Variants in HEY2 observed in about 807,000 individuals in gnomAD.
HEY2 encodes hairy/enhancer-of-split related with YRPW motif protein 2.
Under a neutral mutation model 18.1 loss-of-function variants are expected in HEY2, and 10 were observed. The ratio of observed to expected loss-of-function variants is 0.55; its 90% CI spans 0.34 to 0.94. The LOEUF is 0.94. Ranked by LOEUF, HEY2 falls within the 40% of genes least tolerant of loss-of-function variation. HEY2 has a pLI of 0.02. For missense variants in HEY2, 455 were observed against 455.9 expected, an observed-to-expected ratio of 1.00 and a Z score of 0.02; for synonymous variants, 210 against 182.7, an observed-to-expected ratio of 1.15 and a Z score of -1.21.
Position 125,759,773 on chromosome 6 carries a change from C to T in HEY2, c.985C>T (p.Pro329Ser), listed in dbSNP as rs927427669. 1.2e-6 allele frequency: 2 copies of T among 1,613,988 alleles called. No individual in the cohort carries two copies. The highest frequency in any genetic ancestry group is 1.3e-5 in the African/African-American group (1 of 75,034). Reference protein sequence around the residue: ...SSGTNNKPYRPWGTEVGAF With the variant: ...SSGTNNKPYRSWGTEVGAF Reference sequence around the variant, plus strand: ...TGGAACAAACAATAAACCTTACCGACCCTGGGGGACAGAAGTTGGAGCTTT... The same window carrying T: ...TGGAACAAACAATAAACCTTACCGATCCTGGGGGACAGAAGTTGGAGCTTT... Residue 329 changes from proline (P) to serine (S), a missense_variant, in exon 5 of 5, where the codon CCC becomes TCC. Coordinates refer to ENST00000368364, the MANE Select transcript of HEY2 (RefSeq NM_012259.3).
At chr6:125,753,014 G>A (rs1296273552) in intron 3 of HEY2, among the ~76,000 whole-genome samples, 1 of 152,160 alleles carries the variant, frequency 6.6e-6, no homozygotes, top group Non-Finnish European at 1.5e-5. Context: ...TGACTTTACT[G>A]AATCTGCTTG....
chr6:125,759,729 G>C lies in HEY2; in HGVS notation c.941G>C (p.Ser314Thr). The stretch of plus-strand genomic sequence containing the variant: ...CCCTTGTCAGTATCAGCCACGTCCA[G>C]TCCTCAGCAGACCAGCAGTGGAACA... ...SPPLSVSATS[S>T]PQQTSSGTNN... Residue 314 changes from serine to threonine, a missense_variant, in exon 5 of 5, where the codon AGT becomes ACT. By Grantham distance (58) the Ser-to-Thr change is moderately conservative. Coordinates refer to ENST00000368364, the MANE Select transcript of HEY2 (RefSeq NM_012259.3). The C allele has an allele frequency of 6.2e-7, 1 of 1,613,682 alleles. No homozygotes were observed. The highest frequency in any genetic ancestry group is 1.3e-5 in the African/African-American group (1 of 75,048).
At chr6:125,756,634 A>G (rs558983626) in intron 4 of HEY2, among the ~76,000 whole-genome samples, 2 of 152,328 alleles carry the variant, frequency 1.3e-5, no homozygotes, top group African/African-American at 2.4e-5. Context: ...AAGAATACCA[A>G]CTGCCTCATA....
rs374259810 is a variant in HEY2, at chr6:125,760,331, C to T, written c.*529C>T. 220 of 154,342 alleles carry T rather than the reference C, an allele frequency of 1.4e-3. 1 individual carries two copies. The South Asian group carries it at 0.016, about 11-fold the overall frequency. The allele number at this position is 154,342 out of a possible 1,614,324, so 9.6% of individuals were successfully genotyped here. On this transcript the variant is annotated 3_prime_UTR_variant, in exon 5 of 5. Transcript: ENST00000368364. ...AGGCTGCAGACATTTTAATACCATG[C>T]CAGAGAAGAGTATTCTGCTGAAACC...
intron 1 of HEY2, 99 bp from the exon 2 acceptor site, chr6:125,751,702 C>T (rs558599230): frequency 3.9e-6 from 3 of 771,906 alleles, no homozygotes; most frequent in African/African-American, 3.5e-5. Context: ...CAGACTTGAA[C>T]TGTGCAATCA....
At position 125,761,191 on chromosome 6, in the gene HEY2, C is replaced by CT. The variant is rs978881520; in HGVS notation, c.*1395dup. On this transcript the variant is annotated 3_prime_UTR_variant, in exon 5 of 5. Coordinates refer to ENST00000368364, the MANE Select transcript of HEY2 (RefSeq NM_012259.3). ...TTGTTTTGAAATTACTGTACCTAGT[C>CT]TTTTTTGCATTACTTTGTAACCTTT... 2.0e-4 allele frequency: 30 copies of CT among 152,580 alleles called. No individual in the cohort carries two copies. The highest frequency in any genetic ancestry group is 1.9e-3 in the Admixed American group (29 of 15,270). 9.5% of individuals were successfully genotyped at this position (152,580 alleles called of 1,614,324 possible).
Position 125,754,473 on chromosome 6 carries a change from A to G in HEY2, c.255A>G (p.Ala85=), listed in dbSNP as rs1348078477. 3 of 1,585,052 alleles carry G rather than the reference A, an allele frequency of 1.9e-6. No individual in the cohort carries two copies. The highest frequency in any genetic ancestry group is 3.4e-5 in the Admixed American group (2 of 58,566). Reference sequence around the variant, plus strand: ...TTTATTTATTTATGAAGGGATCTGCAAAGTTAGAAAAAGCTGAAATATTGC... The same window carrying G: ...TTTATTTATTTATGAAGGGATCTGCGAAGTTAGAAAAAGCTGAAATATTGC... ...VPTAFEKQGS[A]KLEKAEILQM... The change falls in exon 4 of 5, where the codon GCA becomes GCG. Residue 85 remains alanine, a synonymous_variant. Transcript: ENST00000368364.
At position 125,749,772 on chromosome 6, in the gene HEY2, C is replaced by G. The variant is rs1399567722; in HGVS notation, c.-5C>G. ...CGGGCTGTGCCCCGCGCGGTCTTCG[C>G]CGGGATGAAGCGCCCCTGCGAGGAG... is the stretch of plus-strand genomic sequence containing the variant. On this transcript the variant is annotated 5_prime_UTR_variant, in exon 1 of 5. Coordinates refer to ENST00000368364, the MANE Select transcript of HEY2 (RefSeq NM_012259.3). 36 of 1,567,112 alleles carry G rather than the reference C, an allele frequency of 2.3e-5. No homozygotes were observed. Among genetic ancestry groups the G allele is most frequent in the Non-Finnish European group, 3.0e-5 (35 of 1,157,092 alleles).
intron 1 of HEY2, 141 bp downstream of exon 1, chr6:125,750,000 T>A: frequency 1.3e-6 from 1 of 788,460 alleles, no homozygotes; most frequent in Non-Finnish European, 2.1e-6. Flanking sequence ...AAAGTTTGAG[T>A]GGTGGGCGCT....
intron 4 of HEY2, among the ~76,000 whole-genome samples, chr6:125,755,533 T>C (rs1773637819): frequency 6.6e-6 from 1 of 152,132 alleles, no homozygotes; most frequent in Admixed American, 6.5e-5. Flanking sequence ...GGGTCCTAGA[T>C]CAGGGCAGAG....
chr6:125,753,125 G>A (rs1200688119), intron 3 of HEY2, among the ~76,000 whole-genome samples: 1 of 152,226 alleles, frequency 6.6e-6, no homozygotes, highest in African/African-American at 2.4e-5. Context: ...TCTATATGCA[G>A]AGACTGTGTT....
intron 1 of HEY2, 58 bp from the exon 2 acceptor site, chr6:125,751,743 C>G: frequency 1.8e-6 from 2 of 1,134,580 alleles, no homozygotes; most frequent in Non-Finnish European, 2.6e-6. Flanking sequence ...CCACAAGTAC[C>G]CAGAAGAAAC....
rs551128913 is a variant in HEY2 at position 125,757,146 on chromosome 6, G to C, written c.329-1971G>C. Among the ~76,000 whole-genome samples, 473 of 152,278 alleles carry C rather than the reference G, an allele frequency of 3.1e-3. 3 individuals are homozygous for C. The highest frequency in any genetic ancestry group is 3.4e-3 in the Middle Eastern group (1 of 294). ...TGTCTTGGTATGACAATAGTATCTAGAGAGGATTTAGTAGAATAACCTAAG... is the reference window on the plus strand; with the variant it reads ...TGTCTTGGTATGACAATAGTATCTACAGAGGATTTAGTAGAATAACCTAAG... On this transcript the variant is annotated intron_variant, in intron 4 of 4. Transcript: ENST00000368364.
chr6:125,752,882 A>G (rs950959016), intron 3 of HEY2, among the ~76,000 whole-genome samples: 3 of 152,236 alleles, frequency 2.0e-5, no homozygotes, highest in Non-Finnish European at 2.9e-5. Context: ...TTTAATTCCA[A>G]TAAGACAACA....
chr6:125,756,601 G>T (rs1230634464), intron 4 of HEY2, among the ~76,000 whole-genome samples: 2 of 152,118 alleles, frequency 1.3e-5, no homozygotes, highest in African/African-American at 4.8e-5. Context: ...GAAGGGAGCT[G>T]GCTGTTTGGG....
chr6:125,756,600 T>C (rs1344100187), intron 4 of HEY2, among the ~76,000 whole-genome samples: 2 of 152,140 alleles, frequency 1.3e-5, no homozygotes, highest in African/African-American at 4.8e-5. Flanking sequence ...AGAAGGGAGC[T>C]GGCTGTTTGG....
At chr6:125,758,832 AT>A (rs1268915470) in intron 4 of HEY2, among the ~76,000 whole-genome samples, 1 of 152,112 alleles carries the variant, frequency 6.6e-6, no homozygotes, top group African/African-American at 2.4e-5. Context: ...GATGTTCTTA[AT>A]TTTTTTCCCC....
In HEY2 at chr6:125,752,439, A is replaced by C. The variant is rs530778128; in HGVS notation, c.246+349A>C. On this transcript the variant is annotated intron_variant, in intron 3 of 4. Coordinates refer to ENST00000368364, the MANE Select transcript of HEY2 (RefSeq NM_012259.3). ...ATACCGTATCCTTCAAAAAAAAAAA[A>C]AAAACCATTTTTTTCTCAAAATTTT... 4.1e-3 allele frequency among the ~76,000 whole-genome samples: 627 copies of C among 151,822 alleles called. 3 individuals carry two copies. Among genetic ancestry groups the C allele is most frequent in the Non-Finnish European group, 7.6e-3 (516 of 67,926 alleles).
chr6:125,755,180 C>T (rs759947290), intron 4 of HEY2, among the ~76,000 whole-genome samples: 5 of 152,058 alleles, frequency 3.3e-5, no homozygotes, highest in Non-Finnish European at 7.4e-5. Flanking sequence ...GCAGGCACTC[C>T]AGGTCCAGGG....
Sources: allele counts gnomAD v4.1 joint callset (sites outside exome capture counted in the v4.1 genomes callset), GRCh38; gene constraint gnomAD v4.1.1; transcripts MANE v1.5; gene names NCBI Gene and HGNC (gene_info 2026-07-23, HGNC 2026-07-21).